TCHH: variants seen among roughly 807,000 people sequenced by gnomAD.
The protein encoded by TCHH is trichohyalin.
A neutral mutation model predicts 6.3 loss-of-function variants in TCHH; 6 were observed. The observed-to-expected ratio is 0.95, with a 90% CI of 0.52 to 1.88. The LOEUF (loss-of-function observed/expected upper bound fraction) is 1.88. Ranked by LOEUF, TCHH falls within the 40% of genes most tolerant of loss-of-function variation. The pLI is 0.01. For synonymous variants in TCHH, 1,087 were observed against 963.6 expected (o/e 1.13, Z -2.37); for missense variants, 2,920 against 2,449.1 (o/e 1.19, Z -4.06).
rs1472520680 is a variant in TCHH, at chr1:152,110,464, C to T, written c.2753G>A (p.Arg918His). 1.2e-6 allele frequency: 2 copies of T among 1,614,044 alleles called. No individual in the cohort carries two copies. The highest frequency in any genetic ancestry group is 1.3e-5 in the African/African-American group (1 of 74,918). The change falls in exon 3 of 3, where the codon CGC becomes CAC. Residue 918 changes from arginine to histidine, a missense_variant. By Grantham distance (29) the Arg-to-His change is conservative (BLOSUM62 0). Coordinates refer to ENST00000614923, the MANE Select transcript of TCHH (RefSeq NM_007113.4). ...EEEEELQREE[R>H]EKRRRQEQER... ...CTGTTCTTGGCGCCTTCTCTTCTCGCGCTCCTCTCTCTGTAGCTCCTCCTC... is the reference window on the plus strand; with the variant it reads ...CTGTTCTTGGCGCCTTCTCTTCTCGTGCTCCTCTCTCTGTAGCTCCTCCTC...
At position 152,111,169 on chromosome 1, in the gene TCHH, T is replaced by C; in HGVS notation, c.2048A>G (p.Gln683Arg). The C allele has an allele frequency of 6.2e-7, 1 of 1,613,840 alleles. No individual in the cohort carries two copies. The highest frequency in any genetic ancestry group is 1.3e-5 in the African/African-American group (1 of 75,016). The change falls in exon 3 of 3, where the codon CAG becomes CGG. Residue 683 changes from glutamine to arginine, a missense_variant. Coordinates refer to ENST00000614923, the MANE Select transcript of TCHH (RefSeq NM_007113.4). ...TTCCTGCTCCTCCTCAGCTAGCTCC[T>C]GCTCGCGCCTCTCTTCCTCATGCTC... is the stretch of plus-strand genomic sequence containing the variant. ...KREHEEERREQELAEEEQEQA... is the reference protein window; with the variant it reads ...KREHEEERRERELAEEEQEQA...
rs780140823 is a variant in TCHH, at chr1:152,108,232, C to G, written c.4985G>C (p.Arg1662Pro). ...LRRQEREQQL[R>P]HDRDRKFREE... ...ACGGAATTTTCTGTCGCGGTCGTGACGCAGCTGTTGTTCGCGCTCCTGGCG... is the reference window on the plus strand; with the variant it reads ...ACGGAATTTTCTGTCGCGGTCGTGAGGCAGCTGTTGTTCGCGCTCCTGGCG... The change falls in exon 3 of 3, where the codon CGT becomes CCT. Residue 1662 changes from arginine to proline, a missense_variant. Coordinates refer to ENST00000614923, the MANE Select transcript of TCHH (RefSeq NM_007113.4). 3.7e-6 allele frequency: 6 copies of G among 1,611,500 alleles called. No individual in the cohort carries two copies. The highest frequency in any genetic ancestry group is 4.5e-5 in the East Asian group (2 of 44,546).
Position 152,114,088 on chromosome 1 carries a change from T to A in TCHH, c.-8A>T. On this transcript the variant is annotated 5_prime_UTR_variant, in exon 2 of 3. Transcript: ENST00000614923. ...TCTCAGAAGTGGAGACATTTTTTTT[T>A]CTTTCCTTCAAGTTCAAGTAAACCT... 1 of 1,595,800 alleles carries A rather than the reference T, an allele frequency of 6.3e-7. No individual in the cohort carries two copies. Among genetic ancestry groups the A allele is most frequent in the South Asian group, 1.2e-5 (1 of 86,796 alleles).
chr1:152,109,465 C>T lies in TCHH; in HGVS notation c.3752G>A (p.Arg1251Gln), dbSNP rs190822862. 5.6e-6 allele frequency: 9 copies of T among 1,614,240 alleles called. No homozygotes were observed. Among genetic ancestry groups the T allele is most frequent in the East Asian group, 4.5e-5 (2 of 44,888 alleles). The change falls in exon 3 of 3, where the codon CGG (arginine) becomes CAG (glutamine). Residue 1251 changes from arginine (R) to glutamine (Q), a missense_variant. By Grantham distance (43) the Arg-to-Gln change is conservative. Coordinates refer to ENST00000614923, the MANE Select transcript of TCHH (RefSeq NM_007113.4). ...GCGCAGCTGGGAATCTTCCAACTGC[C>T]GGAACTGTTCATTCTCTCTGCCTTT... The part of the protein sequence containing the change: ...YCKGRENEQF[R>Q]QLEDSQLRDR...
Position 152,108,347 on chromosome 1 carries a change from C to T in TCHH, c.4870G>A (p.Asp1624Asn). 1.2e-6 allele frequency: 2 copies of T among 1,612,162 alleles called. No individual in the cohort carries two copies. The highest frequency in any genetic ancestry group is 1.1e-5 in the South Asian group (1 of 91,004). ...TCCCTTTCCTGGAGCAGCTGTTCGTCTTCGCGGAATTTTCTGTCGCGCTCC... is the reference window on the plus strand; with the variant it reads ...TCCCTTTCCTGGAGCAGCTGTTCGTTTTCGCGGAATTTTCTGTCGCGCTCC... ...RQERDRKFRE[D>N]EQLLQEREEQ... The change falls in exon 3 of 3, where the codon GAC becomes AAC. Residue 1624 changes from aspartate to asparagine, a missense_variant. Transcript: ENST00000614923.
rs757637538 is a variant in TCHH at position 152,107,530 on chromosome 1, C to A, written c.5687G>T (p.Arg1896Leu). Reference sequence around the variant, plus strand: ...TTGGGATTTTATCTCCCCGACTTGGCGGTGCCTCTGTTCCTCCTTCTGCTG... The same window carrying A: ...TTGGGATTTTATCTCCCCGACTTGGAGGTGCCTCTGTTCCTCCTTCTGCTG... ...RRQQKEEQRH[R>L]QVGEIKSQEG... The change falls in exon 3 of 3, where the codon CGC becomes CTC. Residue 1896 changes from arginine to leucine, a missense_variant. By Grantham distance (102) the Arg-to-Leu change is moderately radical. Transcript: ENST00000614923. 3 of 1,614,192 alleles carry A rather than the reference C, an allele frequency of 1.9e-6. No homozygotes were observed. The South Asian group carries it at 3.3e-5, about 18-fold the overall frequency.
Position 152,107,486 on chromosome 1 carries a change from G to A in TCHH, c.5731C>T (p.Arg1911Trp), listed in dbSNP as rs1177643017. 9 of 1,614,152 alleles carry A rather than the reference G, an allele frequency of 5.6e-6. No individual in the cohort carries two copies. The highest frequency in any genetic ancestry group is 2.2e-5 in the East Asian group (1 of 44,884). Residue 1911 changes from arginine to tryptophan, a missense_variant, in exon 3 of 3, where the codon CGG (arginine) becomes TGG (tryptophan). Arg to Trp is a moderately radical substitution (Grantham distance 101). Coordinates refer to ENST00000614923, the MANE Select transcript of TCHH (RefSeq NM_007113.4). ...IKSQEGKGHG[R>W]LLEPGTHQFA... The stretch of plus-strand genomic sequence containing the variant: ...TGATGAGTGCCGGGCTCCAGAAGCC[G>A]CCCATGGCCCTTCCCTTCTTGGGAT...
In TCHH at chr1:152,109,000, T is replaced by A. The variant is rs555450467; in HGVS notation, c.4217A>T (p.Gln1406Leu). 2.5e-6 allele frequency: 4 copies of A among 1,612,650 alleles called. No individual in the cohort carries two copies. The Admixed American group carries it at 6.7e-5, about 27-fold the overall frequency. ...TCTGTCGCGGTCCTGACGCAGCTGT[T>A]GCTCGCGCTCCTGGCAGCGCAGCTG... ...EQQLRCQERE[Q>L]QLRQDRDRKF... The change falls in exon 3 of 3, where the codon CAA becomes CTA. Residue 1406 changes from glutamine (Q) to leucine (L), a missense_variant. Transcript: ENST00000614923.
rs1658188325 is a variant in TCHH at position 152,108,444 on chromosome 1, C to T, written c.4773G>A (p.Gln1591=). 6.2e-7 allele frequency: 1 copy of T among 1,613,254 alleles called. No homozygotes were observed. The highest frequency in any genetic ancestry group is 1.7e-5 in the Admixed American group (1 of 59,976). ...FRLEEQKVRR[Q]EQERKFMEDE... ...CCTCCATGAATTTTCTCTCTTGTTC[C>T]TGGCGGCGCACTTTCTGTTCCTCTA... The change falls in exon 3 of 3, where the codon CAG becomes CAA. Residue 1591 remains glutamine, a synonymous_variant. Transcript: ENST00000614923.
At position 152,108,715 on chromosome 1, in the gene TCHH, C is replaced by A; in HGVS notation, c.4502G>T (p.Arg1501Ile). ...GCGCAGTTCCTGTTCGCGGAATTTTCTGTCACGCTCTTGGCGGCGCAGCTG... is the reference window on the plus strand; with the variant it reads ...GCGCAGTTCCTGTTCGCGGAATTTTATGTCACGCTCTTGGCGGCGCAGCTG... ...EQQLRRQERD[R>I]KFREQELRSQ... Residue 1501 changes from arginine to isoleucine, a missense_variant, in exon 3 of 3, where the codon AGA becomes ATA. Physicochemically the swap from Arg to Ile is moderately conservative, Grantham distance 97. Transcript: ENST00000614923. The A allele has an allele frequency of 6.2e-7, 1 of 1,611,748 alleles. No individual in the cohort carries two copies. The highest frequency in any genetic ancestry group is 1.3e-5 in the African/African-American group (1 of 74,214).
In TCHH at chr1:152,110,844, C is replaced by T; in HGVS notation, c.2373G>A (p.Arg791=). 6.2e-7 allele frequency: 1 copy of T among 1,609,912 alleles called. No individual in the cohort carries two copies. Among genetic ancestry groups the T allele is most frequent in the Non-Finnish European group, 8.5e-7 (1 of 1,179,730 alleles). ...RQRLSARPPL[R]EQRERQLRAE... Reference sequence around the variant, plus strand: ...CCCTCAGCTGCCTCTCCCGCTGCTCCCGCAATGGGGGCCTGGCCGACAGCC... The same window carrying T: ...CCCTCAGCTGCCTCTCCCGCTGCTCTCGCAATGGGGGCCTGGCCGACAGCC... Residue 791 remains arginine (R), a synonymous_variant, in exon 3 of 3, where the codon CGG becomes CGA. Transcript: ENST00000614923.
rs771996289 is a variant in TCHH at position 152,111,144 on chromosome 1, T to C, written c.2073A>G (p.Glu691=). ...REQELAEEEQ[E]QARERIKSRI... The stretch of plus-strand genomic sequence containing the variant: ...GGCTCTTAATCCGCTCCCGGGCCTG[T>C]TCCTGCTCCTCCTCAGCTAGCTCCT... The change falls in exon 3 of 3, where the codon GAA becomes GAG. Residue 691 remains glutamate (E), a synonymous_variant. Transcript: ENST00000614923. 1.9e-6 allele frequency: 3 copies of C among 1,613,804 alleles called. No individual in the cohort carries two copies. The highest frequency in any genetic ancestry group is 2.5e-6 in the Non-Finnish European group (3 of 1,180,014).
In TCHH at chr1:152,112,247, G is replaced by C. The variant is rs759821648; in HGVS notation, c.970C>G (p.Gln324Glu). Reference sequence around the variant, plus strand: ...TCCTGCTGCTCGCGCCTCTCCTGCTGCTCGCGCCTCTCCTCCTGCTGCTCG... The same window carrying C: ...TCCTGCTGCTCGCGCCTCTCCTGCTCCTCGCGCCTCTCCTCCTGCTGCTCG... ...RREQQEERRE[Q>E]QERREQQEER... The change falls in exon 3 of 3, where the codon CAG becomes GAG. Residue 324 changes from glutamine (Q) to glutamate (E), a missense_variant. Gln to Glu is a conservative substitution (Grantham distance 29, BLOSUM62 2). Transcript: ENST00000614923. 11 of 1,595,124 alleles carry C rather than the reference G, an allele frequency of 6.9e-6. 1 individual carries two copies. Among genetic ancestry groups the C allele is most frequent in the South Asian group, 2.2e-5 (2 of 90,382 alleles).
rs1406802320 is a variant in TCHH, at chr1:152,107,533, T to A, written c.5684A>T (p.His1895Leu). 1 of 1,614,194 alleles carries A rather than the reference T, an allele frequency of 6.2e-7. No individual in the cohort carries two copies. Among genetic ancestry groups the A allele is most frequent in the South Asian group, 1.1e-5 (1 of 91,088 alleles). The change falls in exon 3 of 3, where the codon CAC becomes CTC. Residue 1895 changes from histidine to leucine, a missense_variant. Transcript: ENST00000614923. ...GGATTTTATCTCCCCGACTTGGCGG[T>A]GCCTCTGTTCCTCCTTCTGCTGGCG... ...IRRQQKEEQR[H>L]RQVGEIKSQE...
chr1:152,108,722 G>T lies in TCHH; in HGVS notation c.4495C>A (p.Arg1499Ser). The T allele has an allele frequency of 6.2e-7, 1 of 1,611,978 alleles. No homozygotes were observed. The highest frequency in any genetic ancestry group is 2.2e-5 in the East Asian group (1 of 44,622). Reference protein sequence around the residue: ...EEEQQLRRQERDRKFREQELR... With the variant: ...EEEQQLRRQESDRKFREQELR... ...TCCTGTTCGCGGAATTTTCTGTCAC[G>T]CTCTTGGCGGCGCAGCTGTTGTTCC... The change falls in exon 3 of 3, where the codon CGT (arginine) becomes AGT (serine). Residue 1499 changes from arginine to serine, a missense_variant. Arg to Ser is a moderately radical substitution (Grantham distance 110). Transcript: ENST00000614923.
rs753389363 is a variant in TCHH, at chr1:152,112,290, CTTGCGCCTTAGTTGCTGCTCG to C, written c.906_926del (p.Glu303_Lys309del). On this transcript the variant is annotated inframe_deletion, in exon 3 of 3. Coordinates refer to ENST00000614923, the MANE Select transcript of TCHH (RefSeq NM_007113.4). ...GCTGCTCGCGCCTCTCCTCCTCCTG[CTTGCGCCTTAGTTGCTGCTCG>C]CGCCTCAGCCTTTGCTGCTGCTGCT... 9.9e-6 allele frequency: 16 copies of C among 1,609,038 alleles called. No homozygotes were observed. Among genetic ancestry groups the C allele is most frequent in the Admixed American group, 8.4e-5 (5 of 59,790 alleles).
In TCHH at chr1:152,107,735, G is replaced by A. The variant is rs1354398207; in HGVS notation, c.5482C>T (p.Leu1828Phe). Residue 1828 changes from leucine to phenylalanine, a missense_variant, in exon 3 of 3, where the codon CTC (leucine) becomes TTC (phenylalanine). Leu to Phe is a conservative substitution (Grantham distance 22, BLOSUM62 0). Coordinates refer to ENST00000614923, the MANE Select transcript of TCHH (RefSeq NM_007113.4). ...DGKYRWEEEQ[L>F]QLEEQEQRLR... ...CTCTGCTCTTGTTCCTCAAGTTGGA[G>A]CTGCTCTTCTTCCCAGCGATACTTT... The A allele has an allele frequency of 1.9e-6, 3 of 1,614,146 alleles. No individual in the cohort carries two copies. Among genetic ancestry groups the A allele is most frequent in the Non-Finnish European group, 2.5e-6 (3 of 1,180,064 alleles).
Position 152,107,703 on chromosome 1 carries a change from C to G in TCHH, c.5514G>C (p.Arg1838=). The change falls in exon 3 of 3, where the codon CGG becomes CGC. Residue 1838 remains arginine (R), a synonymous_variant. Coordinates refer to ENST00000614923, the MANE Select transcript of TCHH (RefSeq NM_007113.4). ...LQLEEQEQRL[R]QERDRQYRAE... ...CCCGGTACTGCCGGTCTCGCTCCTG[C>G]CGCAGCCTCTGCTCTTGTTCCTCAA... The G allele has an allele frequency of 6.2e-7, 1 of 1,614,214 alleles. No homozygotes were observed. The highest frequency in any genetic ancestry group is 8.5e-7 in the Non-Finnish European group (1 of 1,180,052).
chr1:152,110,145 G>A lies in TCHH; in HGVS notation c.3072C>T (p.Asp1024=). 6.7e-7 allele frequency: 1 copy of A among 1,503,534 alleles called. No individual in the cohort carries two copies. Among genetic ancestry groups the A allele is most frequent in the Non-Finnish European group, 8.9e-7 (1 of 1,126,940 alleles). 93.1% of individuals were successfully genotyped at this position (1,503,534 alleles called of 1,614,324 possible). ...QEWERQYRKK[D]ELQQEEEQLL... ...GCTGCTCTTCTTCCTGCTGCAGCTC[G>A]TCTTTTTTGCGGTACTGCCTCTCCC... Residue 1024 remains aspartate (D), a synonymous_variant, in exon 3 of 3, where the codon GAC becomes GAT. Transcript: ENST00000614923.
Sources: gnomAD v4.1 joint callset for allele counts on GRCh38, gnomAD v4.1.1 for gene constraint, MANE v1.5 for transcripts, NCBI Gene and HGNC (gene_info 2026-07-23, HGNC 2026-07-21) for gene names.